The following TBC1D9 variants were observed in gnomAD, a reference collection of about 807,000 sequenced individuals.
The protein encoded by TBC1D9 is TBC1 domain family member 9.
TBC1D9 carries 63 observed loss-of-function variants against 132.0 expected under a neutral mutation model. That is an observed-to-expected ratio of 0.48 (90% CI 0.39 to 0.59). The LOEUF is 0.59. TBC1D9 is among the 20% of genes least tolerant of loss of function. The pLI is 0.00. For missense variants in TBC1D9, 1,261 were observed against 1,592.7 expected (o/e 0.79, Z 3.54); for synonymous variants, 610 against 609.9 (o/e 1.00, Z 0.00).
Position 140,746,926 on chromosome 4 carries a change from G to T in TBC1D9, c.130+8990C>A, listed in dbSNP as rs533682737. ...TCATGCCTATAATCCTAGCACTTTG[G>T]GAGGCAGAGGCAGGAGGACTGCCTA... On this transcript the variant is annotated intron_variant, in intron 1 of 20. Coordinates refer to ENST00000442267, the MANE Select transcript of TBC1D9 (RefSeq NM_015130.3). 1.6e-3 allele frequency among the ~76,000 whole-genome samples: 241 copies of T among 152,130 alleles called. 2 individuals are homozygous for T. The highest frequency in any genetic ancestry group is 5.2e-3 in the African/African-American group (216 of 41,494).
chr4:140,645,340 A>T, intron 13 of TBC1D9: 1 of 501,918 alleles, frequency 2.0e-6, no homozygotes, highest in Non-Finnish European at 3.9e-6. Context: ...CACTGCTGCC[A>T]CTATCCTTCT....
intron 13 of TBC1D9, chr4:140,643,044 C>A: frequency 8.6e-7 from 1 of 1,169,342 alleles, no homozygotes; most frequent in Non-Finnish European, 1.2e-6. Flanking sequence ...GGGGTACATC[C>A]GCTCCTCCTT....
At chr4:140,700,301 T>C (rs1202265779) in intron 2 of TBC1D9, among the ~76,000 whole-genome samples, 1 of 151,524 alleles carries the variant, frequency 6.6e-6, no homozygotes, top group East Asian at 1.9e-4. Context: ...AATATAAAAA[T>C]TAGCTGGGCG....
chr4:140,704,272 G>A (rs984357033), intron 1 of TBC1D9, among the ~76,000 whole-genome samples: 1 of 151,910 alleles, frequency 6.6e-6, no homozygotes, highest in Non-Finnish European at 1.5e-5. Context: ...ACAATGGTGT[G>A]CACCTGTAAT....
intron 3 of TBC1D9, among the ~76,000 whole-genome samples, chr4:140,684,298 C>T (rs538382923): frequency 1.5e-4 from 22 of 151,150 alleles, no homozygotes; most frequent in African/African-American, 5.1e-4. Context: ...CAAAATGCTA[C>T]ATAAGGTGTT....
In TBC1D9 at chr4:140,755,953, G is replaced by T. The variant is rs377024153; in HGVS notation, c.93C>A (p.Gly31=). The change falls in exon 1 of 21, where the codon GGC becomes GGA. Residue 31 remains glycine (G), a synonymous_variant. Coordinates refer to ENST00000442267, the MANE Select transcript of TBC1D9 (RefSeq NM_015130.3). ...CGCCGCCGCCTCCATCGCCGGCGTG[G>T]CCCTTCCTCCGCTGCAGGATGAAGT... is the stretch of plus-strand genomic sequence containing the variant. ...NPYFILQRRK[G]HAGDGGGGGG... is the part of the protein sequence containing the mutation. 4.4e-5 allele frequency: 70 copies of T among 1,598,588 alleles called. No homozygotes were observed. The African/African-American group carries it at 8.2e-4, about 19-fold the overall frequency.
chr4:140,628,131 T>C (rs1736736544), intron 17 of TBC1D9, among the ~76,000 whole-genome samples, 169 bp downstream of exon 17: 1 of 152,228 alleles, frequency 6.6e-6, no homozygotes. Context: ...TACAATCAAG[T>C]GCATGCTGAT....
intron 16 of TBC1D9, among the ~76,000 whole-genome samples, chr4:140,630,032 G>A (rs561687959): frequency 6.6e-6 from 1 of 152,302 alleles, no homozygotes; most frequent in African/African-American, 2.4e-5. Context: ...ATAAGTGACA[G>A]GTCCAGGATT....
chr4:140,641,090 C>CAAAAAA lies in TBC1D9; in HGVS notation c.2338-1668_2338-1663dup, dbSNP rs35813378. ...TAAATCTTACAATCATAATACTAAG[C>CAAAAAA]AAAAAAAAAAAAAACAAAAAAAAAC... is the stretch of plus-strand genomic sequence containing the variant. On this transcript the variant is annotated intron_variant, in intron 13 of 20. Coordinates refer to ENST00000442267, the MANE Select transcript of TBC1D9 (RefSeq NM_015130.3). Among the ~76,000 whole-genome samples, 82 of 34,978 alleles carry CAAAAAA rather than the reference C, an allele frequency of 2.3e-3. 1 individual carries two copies. The highest frequency in any genetic ancestry group is 5.1e-3 in the African/African-American group (39 of 7,604). The allele number at this position is 34,978 out of a possible 152,430, so 22.9% of individuals were successfully genotyped here.
chr4:140,703,253 T>G (rs1035397954), intron 1 of TBC1D9, among the ~76,000 whole-genome samples: 7 of 152,200 alleles, frequency 4.6e-5, no homozygotes, highest in African/African-American at 1.7e-4. Context: ...TTTCCTGAAG[T>G]TTTGCTGAAT....
At chr4:140,658,193 A>G (rs886126759) in intron 11 of TBC1D9, among the ~76,000 whole-genome samples, 2 of 152,258 alleles carry the variant, frequency 1.3e-5, no homozygotes, top group Non-Finnish European at 2.9e-5. Flanking sequence ...CAATGGAGAC[A>G]TGAGAAATGG....
intron 6 of TBC1D9, among the ~76,000 whole-genome samples, chr4:140,675,498 C>T (rs78029486): frequency 7.2e-5 from 11 of 152,110 alleles, no homozygotes; most frequent in African/African-American, 2.7e-4. Context: ...CTTTCTCTGA[C>T]ATCCTAACCT....
chr4:140,659,527 C>T, intron 11 of TBC1D9, 61 bp downstream of exon 11: 3 of 1,217,624 alleles, frequency 2.5e-6, no homozygotes, highest in Non-Finnish European at 3.5e-6. Context: ...TGGCTGGCAC[C>T]TCTCTAAAAG....
At chr4:140,729,752 A>C (rs746576926) in intron 1 of TBC1D9, among the ~76,000 whole-genome samples, 23 of 130,654 alleles carry the variant, frequency 1.8e-4, no homozygotes, top group Non-Finnish European at 2.6e-4. Flanking sequence ...TCCCGGAGGC[A>C]GAGGTTGCAA....
intron 1 of TBC1D9, among the ~76,000 whole-genome samples, chr4:140,752,378 C>G (rs776469108): frequency 2.8e-4 from 42 of 151,272 alleles, no homozygotes; most frequent in African/African-American, 5.3e-4. Context: ...AAAGCAAAAC[C>G]AAAATATAGT....
chr4:140,677,124 C>A (rs1290352919), intron 5 of TBC1D9, 23 bp from the exon 6 acceptor site: 1 of 1,611,164 alleles, frequency 6.2e-7, no homozygotes, highest in South Asian at 1.1e-5. Context: ...AATTACAATT[C>A]ACATAAGAAA....
At chr4:140,740,987 C>T (rs970872138) in intron 1 of TBC1D9, among the ~76,000 whole-genome samples, 4 of 152,292 alleles carry the variant, frequency 2.6e-5, no homozygotes, top group Non-Finnish European at 5.9e-5. Flanking sequence ...GACCTCTCCT[C>T]TCAGCCAAGG....
chr4:140,749,106 C>T (rs1738883301), intron 1 of TBC1D9, among the ~76,000 whole-genome samples: 1 of 151,792 alleles, frequency 6.6e-6, no homozygotes, highest in Non-Finnish European at 1.5e-5. Flanking sequence ...TGACTGACAC[C>T]TCTAATATCA....
At chr4:140,647,705 A>T (rs183666137) in intron 13 of TBC1D9, among the ~76,000 whole-genome samples, 3 of 152,302 alleles carry the variant, frequency 2.0e-5, no homozygotes, top group Non-Finnish European at 2.9e-5. Flanking sequence ...ATCAACTAGA[A>T]ATGGATTCTG....
Sources: gnomAD v4.1 joint callset for allele counts (sites outside exome capture counted in the v4.1 genomes callset) on GRCh38, gnomAD v4.1.1 for gene constraint, MANE v1.5 for transcripts, NCBI Gene and HGNC (gene_info 2026-07-23, HGNC 2026-07-21) for gene names.